The following CDK19 variants were observed in gnomAD, a reference collection of about 807,000 sequenced individuals.
CDK19 encodes cyclin-dependent kinase 19.
Under a neutral mutation model 68.3 loss-of-function variants are expected in CDK19, and 20 were observed. That is an observed-to-expected ratio of 0.29 (90% CI 0.21 to 0.43). The LOEUF (loss-of-function observed/expected upper bound fraction) is 0.43, where lower values mean the gene tolerates loss of function less well. CDK19 is among the 20% of genes least tolerant of loss of function. CDK19 has a pLI of 1.00. For synonymous variants in CDK19, 221 were observed against 222.8 expected (o/e 0.99, Z 0.07); for missense variants, 339 against 623.5 (o/e 0.54, Z 4.86).
chr6:110,809,460 A>G (rs926113354), intron 1 of CDK19, among the ~76,000 whole-genome samples: 3 of 152,192 alleles, frequency 2.0e-5, no homozygotes, highest in African/African-American at 7.2e-5. Context: ...TCAAGGCTAC[A>G]GTCAGCTACG....
chr6:110,801,070 T>TC (rs1208767513), intron 1 of CDK19, among the ~76,000 whole-genome samples: 1 of 152,034 alleles, frequency 6.6e-6, no homozygotes, highest in African/African-American at 2.4e-5. Flanking sequence ...TTCAAAAGAC[T>TC]CCAAGACCCG....
chr6:110,789,901 A>G (rs1781476435), intron 1 of CDK19, among the ~76,000 whole-genome samples: 1 of 152,210 alleles, frequency 6.6e-6, no homozygotes, highest in African/African-American at 2.4e-5. Context: ...ATTTTTCTAC[A>G]TACTTATCAG....
In CDK19 at chr6:110,654,866, G is replaced by A. The variant is rs540891621; in HGVS notation, c.456+12568C>T. Among the ~76,000 whole-genome samples the A allele has an allele frequency of 1.3e-4, 19 of 151,604 alleles. No individual in the cohort carries two copies. The East Asian group carries it at 2.4e-3, about 19-fold the overall frequency. ...TAAGGCAGGAGAATCACTTGAACCCGGGAGGTGGAGGTTATGGTGAGCCAA... is the reference window on the plus strand; with the variant it reads ...TAAGGCAGGAGAATCACTTGAACCCAGGAGGTGGAGGTTATGGTGAGCCAA... On this transcript the variant is annotated intron_variant, in intron 4 of 12. Coordinates refer to ENST00000368911, the MANE Select transcript of CDK19 (RefSeq NM_015076.5).
intron 2 of CDK19, among the ~76,000 whole-genome samples, chr6:110,708,338 T>C (rs534083078): frequency 2.0e-4 from 31 of 152,222 alleles, no homozygotes; most frequent in African/African-American, 7.5e-4. Context: ...TCTATCCTAC[T>C]CCTGAAGGCC....
intron 2 of CDK19, among the ~76,000 whole-genome samples, chr6:110,724,279 C>T (rs1006269809): frequency 2.6e-5 from 4 of 152,042 alleles, no homozygotes; most frequent in Admixed American, 1.3e-4. Flanking sequence ...CACTTGAACC[C>T]GGGAGGCGGA....
intron 1 of CDK19, among the ~76,000 whole-genome samples, chr6:110,791,205 T>A (rs1397834929): frequency 6.6e-6 from 1 of 151,304 alleles, no homozygotes; most frequent in East Asian, 1.9e-4. Flanking sequence ...AATTAATTAA[T>A]TAAATAAAAA....
chr6:110,689,968 C>T (rs1772836357), intron 2 of CDK19, among the ~76,000 whole-genome samples: 1 of 152,148 alleles, frequency 6.6e-6, no homozygotes, highest in Admixed American at 6.5e-5. Flanking sequence ...CTTTGAGTCC[C>T]AGATCTTTCC....
At chr6:110,764,611 A>G (rs1181328920) in intron 1 of CDK19, among the ~76,000 whole-genome samples, 1 of 152,198 alleles carries the variant, frequency 6.6e-6, no homozygotes, top group Non-Finnish European at 1.5e-5. Context: ...CACAAAAATT[A>G]ACTCAAAATG....
intron 4 of CDK19, among the ~76,000 whole-genome samples, chr6:110,652,315 T>C (rs559163204): frequency 6.6e-6 from 1 of 152,234 alleles, no homozygotes; most frequent in East Asian, 1.9e-4. Flanking sequence ...AATTGGGTCA[T>C]AGGTGATTCC....
chr6:110,803,182 C>T (rs1319850634), intron 1 of CDK19, among the ~76,000 whole-genome samples: 3 of 152,104 alleles, frequency 2.0e-5, no homozygotes, highest in African/African-American at 7.2e-5. Flanking sequence ...CAGGTTCACG[C>T]CATTCTCCTG....
At chr6:110,810,340 T>C (rs1782990592) in intron 1 of CDK19, among the ~76,000 whole-genome samples, 2 of 152,160 alleles carry the variant, frequency 1.3e-5, no homozygotes, top group Admixed American at 1.3e-4. Flanking sequence ...AAAAGAGATA[T>C]GACATGATTG....
chr6:110,765,158 C>CTATAATCTCAACA (rs1158844121), intron 1 of CDK19, among the ~76,000 whole-genome samples: 1 of 151,686 alleles, frequency 6.6e-6, no homozygotes, highest in Non-Finnish European at 1.5e-5. Context: ...TGGCTCATGC[C>CTATAATCTCAACA]TATAATCTCA....
intron 2 of CDK19, among the ~76,000 whole-genome samples, chr6:110,715,084 T>C (rs1775270319): frequency 6.6e-6 from 1 of 152,146 alleles, no homozygotes; most frequent in Admixed American, 6.6e-5. Flanking sequence ...GGTTTCTTTT[T>C]TGTGAATATT....
At chr6:110,675,956 T>C (rs1018275658) in intron 2 of CDK19, among the ~76,000 whole-genome samples, 2 of 152,198 alleles carry the variant, frequency 1.3e-5, no homozygotes, top group East Asian at 1.9e-4. Context: ...AACAAATACA[T>C]TTCATGAAGC....
At chr6:110,766,412 T>TA (rs1779589660) in intron 1 of CDK19, among the ~76,000 whole-genome samples, 1 of 151,786 alleles carries the variant, frequency 6.6e-6, no homozygotes, top group South Asian at 2.1e-4. Flanking sequence ...CCATCTCTAC[T>TA]AAAAATACAA....
rs1021501769 is a variant in CDK19, at chr6:110,674,753, T to A, written c.205-4212A>T. Among the ~76,000 whole-genome samples the A allele has an allele frequency of 9.2e-5, 14 of 151,658 alleles. 1 individual carries two copies. Among genetic ancestry groups the A allele is most frequent in the Non-Finnish European group, 1.5e-5 (1 of 67,918 alleles). Reference sequence around the variant, plus strand: ...CCGTCTCTACTAAAAATAGAAAAAATTAGCTGGGCGTAGTGGCAGGTACCT... The same window carrying A: ...CCGTCTCTACTAAAAATAGAAAAAAATAGCTGGGCGTAGTGGCAGGTACCT... On this transcript the variant is annotated intron_variant, in intron 2 of 12. Transcript: ENST00000368911.
chr6:110,624,813 T>G (rs1778982846), intron 8 of CDK19, among the ~76,000 whole-genome samples: 1 of 152,216 alleles, frequency 6.6e-6, no homozygotes, highest in Non-Finnish European at 1.5e-5. Context: ...GAGCCAATAC[T>G]GCCTAGCAGG....
chr6:110,713,195 C>CAA (rs552100163), intron 2 of CDK19, among the ~76,000 whole-genome samples: 3 of 50,028 alleles, frequency 6.0e-5, no homozygotes, highest in Non-Finnish European at 8.2e-5. Context: ...GATCCCATCT[C>CAA]AAAAAAAAAA....
At chr6:110,734,504 T>C (rs1777040445) in intron 2 of CDK19, among the ~76,000 whole-genome samples, 1 of 135,058 alleles carries the variant, frequency 7.4e-6, no homozygotes, top group Admixed American at 7.6e-5. Flanking sequence ...TTGATAAAAC[T>C]AAGAGGGTGA....
Sources: allele counts gnomAD v4.1 joint callset (sites outside exome capture counted in the v4.1 genomes callset), GRCh38; gene constraint gnomAD v4.1.1; transcripts MANE v1.5; gene names NCBI Gene and HGNC (gene_info 2026-07-23, HGNC 2026-07-21).